Variants in ZC3H12B observed in about 807,000 individuals in gnomAD.
The protein encoded by ZC3H12B is probable ribonuclease ZC3H12B.
A neutral mutation model predicts 43.9 loss-of-function variants in ZC3H12B; 7 were observed. That is an observed-to-expected ratio of 0.16 (90% CI 0.09 to 0.30). ZC3H12B has a LOEUF of 0.30. Ranked by LOEUF, ZC3H12B falls within the 10% of genes least tolerant of loss-of-function variation. The pLI is 1.00. For synonymous variants in ZC3H12B, 222 were observed against 241.7 expected, an observed-to-expected ratio of 0.92 and a Z score of 0.76; for missense variants, 475 against 670.2, an observed-to-expected ratio of 0.71 and a Z score of 3.22.
At chrX:65,286,117 G>A in the ZC3H12B span, among the ~76,000 whole-genome samples, 1 of 111,706 alleles carries the variant, frequency 9.0e-6, no homozygotes, top group African/African-American at 3.3e-5. Flanking sequence ...GCACTCATAT[G>A]TTAAACATAT....
At chrX:65,192,221 C>G in the ZC3H12B span, among the ~76,000 whole-genome samples, 34 of 110,263 alleles carry the variant, frequency 3.1e-4, no homozygotes, top group East Asian at 5.7e-3. Flanking sequence ...TTACTTCCAA[C>G]TATGTGGTCA....
chrX:65,228,393 A>G, the ZC3H12B span, among the ~76,000 whole-genome samples: 8 of 111,685 alleles, frequency 7.2e-5, no homozygotes, highest in Non-Finnish European at 1.5e-4. Flanking sequence ...TCAAAATAAT[A>G]AGAGCTATCT....
At chrX:65,383,822 C>A (rs1236862028) in intron 2 of ZC3H12B, among the ~76,000 whole-genome samples, 28 of 110,843 alleles carry the variant, frequency 2.5e-4, no homozygotes, top group Non-Finnish European at 5.3e-4. Context: ...CAATGAGACA[C>A]CATTTCACAC....
the ZC3H12B span, among the ~76,000 whole-genome samples, chrX:65,051,533 AG>A: frequency 9.0e-6 from 1 of 111,589 alleles, no homozygotes; most frequent in Non-Finnish European, 1.9e-5. Context: ...ATCAATGAAA[AG>A]GGGCATTTCA....
chrX:65,055,871 G>C, the ZC3H12B span, among the ~76,000 whole-genome samples: 13 of 111,919 alleles, frequency 1.2e-4, no homozygotes, highest in Admixed American at 9.5e-4. Flanking sequence ...TAGCTTATTT[G>C]CATAGAGGTG....
At chrX:65,279,701 A>G in the ZC3H12B span, among the ~76,000 whole-genome samples, 26 of 112,410 alleles carry the variant, frequency 2.3e-4, no homozygotes, top group Non-Finnish European at 1.5e-4. Flanking sequence ...CAATTGCAAC[A>G]AAAGCAAAAA....
At chrX:65,058,698 C>A in the ZC3H12B span, among the ~76,000 whole-genome samples, 2 of 111,861 alleles carry the variant, frequency 1.8e-5, no homozygotes, top group African/African-American at 6.5e-5. Flanking sequence ...GTCAGGCAGA[C>A]CTCCTTCAGC....
At chrX:65,412,376 G>A (rs1031412231) in intron 3 of ZC3H12B, among the ~76,000 whole-genome samples, 1 of 111,798 alleles carries the variant, frequency 8.9e-6, no homozygotes, top group African/African-American at 3.3e-5. Context: ...CATTTGTTTA[G>A]CCATTCATCC....
the ZC3H12B span, among the ~76,000 whole-genome samples, chrX:65,274,550 A>G: frequency 9.1e-6 from 1 of 109,726 alleles, no homozygotes; most frequent in Non-Finnish European, 1.9e-5. Flanking sequence ...ACTTCTATCA[A>G]GAGCTGCAGT....
At chrX:65,172,589 G>T in the ZC3H12B span, among the ~76,000 whole-genome samples, 2 of 112,097 alleles carry the variant, frequency 1.8e-5, no homozygotes, top group African/African-American at 6.5e-5. Flanking sequence ...TCCATCTTGA[G>T]TTAATTTTTC....
the ZC3H12B span, among the ~76,000 whole-genome samples, chrX:65,047,320 T>A: frequency 9.0e-6 from 1 of 111,622 alleles, no homozygotes; most frequent in African/African-American, 3.2e-5. Flanking sequence ...TGTTCATAGC[T>A]CACCTAGCCC....
At chrX:65,239,497 A>G in the ZC3H12B span, among the ~76,000 whole-genome samples, 18 of 109,693 alleles carry the variant, frequency 1.6e-4, no homozygotes, top group African/African-American at 5.3e-4. Flanking sequence ...GGGTCTTTTG[A>G]AGACAGCATA....
chrX:65,055,511 C>T, the ZC3H12B span, among the ~76,000 whole-genome samples: 1 of 111,770 alleles, frequency 8.9e-6, no homozygotes, highest in Non-Finnish European at 1.9e-5. Flanking sequence ...AAGATTTTTG[C>T]ATGGATGTTC....
the ZC3H12B span, among the ~76,000 whole-genome samples, chrX:65,102,003 G>A: frequency 8.0e-5 from 9 of 111,963 alleles, no homozygotes; most frequent in South Asian, 3.7e-4. Flanking sequence ...CTGGCAAACC[G>A]AACGCAGCAG....
the ZC3H12B span, among the ~76,000 whole-genome samples, chrX:65,206,194 C>T: frequency 1.8e-5 from 2 of 111,631 alleles, no homozygotes; most frequent in African/African-American, 6.5e-5. Context: ...AAAAAGAACC[C>T]GCATAGCCAA....
the ZC3H12B span, among the ~76,000 whole-genome samples, chrX:65,163,211 G>T: frequency 2.0e-4 from 22 of 111,544 alleles, no homozygotes; most frequent in African/African-American, 6.5e-4. Flanking sequence ...TTGCTCGGGG[G>T]TCAGGGGTCA....
chrX:65,168,480 T>C, the ZC3H12B span, among the ~76,000 whole-genome samples: 1 of 111,099 alleles, frequency 9.0e-6, no homozygotes, highest in African/African-American at 3.3e-5. Context: ...TCATTAGGGA[T>C]ATTGGTCTAA....
chrX:65,193,590 A>G, the ZC3H12B span, among the ~76,000 whole-genome samples: 17 of 111,098 alleles, frequency 1.5e-4, no homozygotes, highest in African/African-American at 4.9e-4. Flanking sequence ...TTTTCCTGTC[A>G]TCGATCTTTT....
the ZC3H12B span, among the ~76,000 whole-genome samples, chrX:65,241,010 C>G: frequency 6.3e-5 from 7 of 111,547 alleles, no homozygotes; most frequent in African/African-American, 2.3e-4. Context: ...GTTGGGAGCT[C>G]TCACCCAGTC....
Sources: gnomAD v4.1 joint callset for allele counts (sites outside exome capture counted in the v4.1 genomes callset) on GRCh38, gnomAD v4.1.1 for gene constraint, MANE v1.5 for transcripts, NCBI Gene and HGNC (gene_info 2026-07-23, HGNC 2026-07-21) for gene names.